PCSK2: variants seen among roughly 807,000 people sequenced by gnomAD.
PCSK2 encodes the protein neuroendocrine convertase 2.
A neutral mutation model predicts 69.7 loss-of-function variants in PCSK2; 14 were observed. The observed-to-expected ratio is 0.20, with a 90% CI of 0.13 to 0.31. The LOEUF is 0.31. PCSK2 is among the 10% of genes least tolerant of loss of function. The probability of loss-of-function intolerance (pLI) is 1.00; values close to 1 mark genes in which losing one functional copy is unlikely to be tolerated. For missense variants in PCSK2, 544 were observed against 842.5 expected, an observed-to-expected ratio of 0.65 and a Z score of 4.39; for synonymous variants, 307 against 320.7, an observed-to-expected ratio of 0.96 and a Z score of 0.46.
At chr20:17,407,381 A>G (rs755214346) in intron 5 of PCSK2, among the ~76,000 whole-genome samples, 1 of 152,168 alleles carries the variant, frequency 6.6e-6, no homozygotes. Flanking sequence ...CAGATTGGGC[A>G]GATACTCTTC....
At position 17,465,463 on chromosome 20, in the gene PCSK2, T is replaced by C; in HGVS notation, c.1340T>C (p.Leu447Pro). The change falls in exon 11 of 12, where the codon CTT becomes CCT. Residue 447 changes from leucine (L) to proline (P), a missense_variant. Transcript: ENST00000262545. Reference protein sequence around the residue: ...EFNHLFGYGVLDAGAMVKMAK... With the variant: ...EFNHLFGYGVPDAGAMVKMAK... ...AATCACCTCTTTGGCTACGGGGTCC[T>C]TGATGCAGGTGCCATGGTGAAAATG... 1 of 1,614,080 alleles carries C rather than the reference T, an allele frequency of 6.2e-7. No homozygotes were observed. Among genetic ancestry groups the C allele is most frequent in the Non-Finnish European group, 8.5e-7 (1 of 1,179,990 alleles).
intron 5 of PCSK2, among the ~76,000 whole-genome samples, chr20:17,400,958 G>A (rs574654356): frequency 6.6e-6 from 1 of 152,320 alleles, no homozygotes; most frequent in African/African-American, 2.4e-5. Context: ...TACAGTCACT[G>A]CCAGAATGAA....
At chr20:17,247,996 G>A (rs1335457638) in intron 1 of PCSK2, among the ~76,000 whole-genome samples, 8 of 152,120 alleles carry the variant, frequency 5.3e-5, no homozygotes, top group African/African-American at 1.7e-4. Flanking sequence ...CATTTTTGTG[G>A]CATAATGAGA....
At chr20:17,431,296 C>T (rs1312589044) in intron 7 of PCSK2, among the ~76,000 whole-genome samples, 1 of 152,200 alleles carries the variant, frequency 6.6e-6, no homozygotes, top group African/African-American at 2.4e-5. Flanking sequence ...TGCCAGTTCC[C>T]ATCTTTCATT....
In PCSK2 at chr20:17,358,314, A is replaced by T. The variant is rs113146458; in HGVS notation, c.283-13A>T. 2.3e-4 allele frequency: 334 copies of T among 1,461,288 alleles called. 2 individuals are homozygous for T. In the Middle Eastern group the frequency reaches 3.5e-3, roughly 15 times the overall value. 90.5% of individuals were successfully genotyped at this position (1,461,288 alleles called of 1,614,324 possible). A position where few individuals can be genotyped will look rare whatever the true frequency, so the allele number is the denominator to read the frequency against. On this transcript the variant is annotated splice_polypyrimidine_tract_variant and intron_variant, in intron 2 of 11. Coordinates refer to ENST00000262545, the MANE Select transcript of PCSK2 (RefSeq NM_002594.5). ...GATTATATTCAGGTAATATGTCAGC[A>T]TTGTCATTCCAGGTAAAGATGGCTT...
intron 5 of PCSK2, among the ~76,000 whole-genome samples, chr20:17,388,195 C>T (rs2031285585): frequency 6.6e-6 from 1 of 152,010 alleles, no homozygotes; most frequent in Non-Finnish European, 1.5e-5. Flanking sequence ...AGAAAGAGAA[C>T]CGACTGTATA....
At chr20:17,333,355 G>T (rs561160020) in intron 2 of PCSK2, among the ~76,000 whole-genome samples, 1 of 152,290 alleles carries the variant, frequency 6.6e-6, no homozygotes, top group East Asian at 1.9e-4. Flanking sequence ...AAAGCAAGTA[G>T]ATCCACCATG....
intron 1 of PCSK2, among the ~76,000 whole-genome samples, chr20:17,233,101 T>A (rs1339528727): frequency 2.6e-5 from 4 of 152,178 alleles, no homozygotes; most frequent in Non-Finnish European, 4.4e-5. Flanking sequence ...GAACGCTCAC[T>A]GTCCCCAATA....
At chr20:17,290,055 C>A (rs1238962255) in intron 2 of PCSK2, among the ~76,000 whole-genome samples, 1 of 152,200 alleles carries the variant, frequency 6.6e-6, no homozygotes, top group Non-Finnish European at 1.5e-5. Flanking sequence ...TTTCCTCTGT[C>A]ATCAATTTGG....
chr20:17,334,957 C>G (rs1600500327), intron 2 of PCSK2, among the ~76,000 whole-genome samples: 2 of 152,204 alleles, frequency 1.3e-5, no homozygotes, highest in African/African-American at 4.8e-5. Context: ...ACCGGCAACT[C>G]AGAAATTGTG....
chr20:17,282,720 G>A (rs181802174), intron 2 of PCSK2, among the ~76,000 whole-genome samples: 2 of 151,062 alleles, frequency 1.3e-5, no homozygotes, highest in Admixed American at 1.3e-4. Context: ...ATTAGTGGAA[G>A]TATTTCCTTT....
At chr20:17,394,365 A>T (rs994191363) in intron 5 of PCSK2, among the ~76,000 whole-genome samples, 1 of 152,204 alleles carries the variant, frequency 6.6e-6, no homozygotes, top group East Asian at 1.9e-4. Flanking sequence ...TCCTTGAACC[A>T]CTTGGAGAGA....
At chr20:17,227,650 T>A (rs531204916) in intron 1 of PCSK2, among the ~76,000 whole-genome samples, 168 bp downstream of exon 1, 1 of 152,358 alleles carries the variant, frequency 6.6e-6, no homozygotes, top group Non-Finnish European at 1.5e-5. Flanking sequence ...TTTCACCGGT[T>A]ATGTAATTAA....
intron 2 of PCSK2, among the ~76,000 whole-genome samples, chr20:17,333,885 T>C (rs1990268868): frequency 8.5e-6 from 1 of 117,160 alleles, no homozygotes; most frequent in South Asian, 3.0e-4. Flanking sequence ...ATTATTTCCA[T>C]ACATTTCTTC....
chr20:17,474,016 A>G (rs2033248974), intron 11 of PCSK2, among the ~76,000 whole-genome samples: 3 of 152,152 alleles, frequency 2.0e-5, no homozygotes, highest in Admixed American at 2.0e-4. Flanking sequence ...TAGTGCTGGG[A>G]TGATCTCTTA....
intron 5 of PCSK2, among the ~76,000 whole-genome samples, chr20:17,398,650 A>G (rs1377672817): frequency 6.6e-6 from 1 of 152,094 alleles, no homozygotes; most frequent in Non-Finnish European, 1.5e-5. Flanking sequence ...TTAAGCCACA[A>G]GAAGGCTAGG....
chr20:17,347,269 C>T (rs1241632839), intron 2 of PCSK2, among the ~76,000 whole-genome samples: 2 of 152,190 alleles, frequency 1.3e-5, no homozygotes, highest in Non-Finnish European at 2.9e-5. Context: ...GGCACACTCC[C>T]TGTCTGCTGC....
At chr20:17,287,817 C>T (rs1416158508) in intron 2 of PCSK2, among the ~76,000 whole-genome samples, 1 of 152,214 alleles carries the variant, frequency 6.6e-6, no homozygotes, top group Non-Finnish European at 1.5e-5. Flanking sequence ...TCCTAAGCCC[C>T]TGGGCTTTGT....
At chr20:17,271,043 T>TA (rs5840761) in intron 2 of PCSK2, among the ~76,000 whole-genome samples, 75,541 of 151,852 alleles carry the variant, frequency 0.5, 19,293 homozygotes, top group East Asian at 0.72. Context: ...AAGCCACGAC[T>TA]AAAACCCAGC....
Sources: allele counts gnomAD v4.1 joint callset (sites outside exome capture counted in the v4.1 genomes callset), GRCh38; gene constraint gnomAD v4.1.1; transcripts MANE v1.5; gene names NCBI Gene and HGNC (gene_info 2026-07-23, HGNC 2026-07-21).